The following ZFHX3 variants were observed in gnomAD, a reference collection of about 807,000 sequenced individuals.
ZFHX3 encodes the protein zinc finger homeobox protein 3.
A neutral mutation model predicts 279.1 loss-of-function variants in ZFHX3; 42 were observed. The ratio of observed to expected loss-of-function variants is 0.15; its 90% CI spans 0.12 to 0.19. ZFHX3 has a LOEUF of 0.19. ZFHX3 is among the 10% of genes least tolerant of loss of function. The probability of loss-of-function intolerance (pLI) is 1.00; values close to 1 mark genes in which losing one functional copy is unlikely to be tolerated. For synonymous variants in ZFHX3, 2,293 were observed against 1,957.8 expected (o/e 1.17, Z -4.52); for missense variants, 4,981 against 4,754.0 (o/e 1.05, Z -1.40).
intron 1 of ZFHX3, among the ~76,000 whole-genome samples, chr16:73,028,742 G>C (rs891473055): frequency 1.3e-5 from 2 of 152,200 alleles, no homozygotes; most frequent in East Asian, 3.9e-4. Flanking sequence ...AAAGGGGGCA[G>C]TGGGCCGCCC....
At chr16:73,141,538 C>T (rs894134156) in intron 6 of ZFHX3, among the ~76,000 whole-genome samples, 1 of 151,982 alleles carries the variant, frequency 6.6e-6, no homozygotes, top group African/African-American at 2.4e-5. Context: ...GCAGGGACTA[C>T]AGCTGTGCTC....
At chr16:72,886,286 G>A (rs1293190116) in intron 4 of ZFHX3, among the ~76,000 whole-genome samples, 1 of 151,978 alleles carries the variant, frequency 6.6e-6, no homozygotes, top group South Asian at 2.1e-4. Context: ...GGAGGGAGTA[G>A]GGGAGAGAGC....
chr16:73,817,510 G>A (rs1374827707), intron 1 of ZFHX3, among the ~76,000 whole-genome samples: 2 of 152,108 alleles, frequency 1.3e-5, no homozygotes, highest in African/African-American at 4.8e-5. Context: ...CACCCTAACG[G>A]CGAGTCTTAA....
Position 72,795,633 on chromosome 16 carries a change from A to G in ZFHX3, c.7049T>C (p.Leu2350Pro). 1 of 1,613,844 alleles carries G rather than the reference A, an allele frequency of 6.2e-7. No individual in the cohort carries two copies. The highest frequency in any genetic ancestry group is 8.5e-7 in the Non-Finnish European group (1 of 1,179,914). ...CTCCTCATCCTCATCCTTGTAACAC[A>G]GCTTCTTCTGGTGCTTGATGAGATC... ...IFDLIKHQKK[L>P]CYKDEDEEGQ... Residue 2350 changes from leucine (L) to proline (P), a missense_variant, in exon 9 of 10, where the codon CTG (leucine) becomes CCG (proline). This residue lies in a region of ZFHX3 where 744 missense variants were observed against 701.3 expected (regional missense o/e 1.06). Transcript: ENST00000268489.
chr16:73,780,273 G>C (rs1288190691), intron 1 of ZFHX3, among the ~76,000 whole-genome samples: 1 of 150,012 alleles, frequency 6.7e-6, no homozygotes, highest in Admixed American at 6.7e-5. Flanking sequence ...TCAGCCTCCT[G>C]AGTAGCTGGG....
At chr16:73,774,001 G>A (rs1001270314) in intron 1 of ZFHX3, among the ~76,000 whole-genome samples, 10 of 152,070 alleles carry the variant, frequency 6.6e-5, no homozygotes, top group South Asian at 4.1e-4. Flanking sequence ...AGCCAGGCAC[G>A]GTGACATGTG....
At chr16:73,498,834 T>C (rs1438816535) in intron 2 of ZFHX3, among the ~76,000 whole-genome samples, 1 of 152,156 alleles carries the variant, frequency 6.6e-6, no homozygotes, top group Admixed American at 6.5e-5. Flanking sequence ...GAGGACCTTA[T>C]TGAGAGCAGT....
At chr16:72,835,182 T>C (rs983636379) in intron 4 of ZFHX3, among the ~76,000 whole-genome samples, 1 of 152,204 alleles carries the variant, frequency 6.6e-6, no homozygotes, top group Admixed American at 6.5e-5. Context: ...TGAAATAAAG[T>C]GCGTTTGCCT....
chr16:73,814,991 C>T (rs558205329), intron 1 of ZFHX3, among the ~76,000 whole-genome samples: 3 of 152,242 alleles, frequency 2.0e-5, no homozygotes, highest in African/African-American at 7.2e-5. Context: ...AATCACCATA[C>T]TTAAAAGTAG....
chr16:73,791,796 T>C (rs1959833244), intron 1 of ZFHX3, among the ~76,000 whole-genome samples: 1 of 152,250 alleles, frequency 6.6e-6, no homozygotes, highest in African/African-American at 2.4e-5. Context: ...TGCAAACCAC[T>C]GGTTTAGAAC....
chr16:73,766,993 T>A (rs530901753), intron 1 of ZFHX3, among the ~76,000 whole-genome samples: 3 of 150,244 alleles, frequency 2.0e-5, no homozygotes, highest in Non-Finnish European at 4.4e-5. Flanking sequence ...TGGAGTGCAC[T>A]GGCGCGATCT....
chr16:73,496,928 T>C (rs535463324), intron 2 of ZFHX3, among the ~76,000 whole-genome samples: 83 of 152,318 alleles, frequency 5.4e-4, no homozygotes, highest in African/African-American at 1.8e-3. Context: ...AGCCTTCTTG[T>C]GATTCCACCT....
intron 4 of ZFHX3, among the ~76,000 whole-genome samples, chr16:73,286,146 C>T (rs781681756): frequency 6.6e-6 from 1 of 152,036 alleles, no homozygotes; most frequent in Non-Finnish European, 1.5e-5. Context: ...CATGGTCTCT[C>T]CCTCCCTCTC....
At chr16:73,270,435 A>G (rs1000784456) in intron 4 of ZFHX3, among the ~76,000 whole-genome samples, 9 of 152,186 alleles carry the variant, frequency 5.9e-5, no homozygotes, top group African/African-American at 1.9e-4. Flanking sequence ...CTTTTCTTCC[A>G]TGCTGAGCTC....
At chr16:72,826,472 TTA>T (rs2036931959) in intron 5 of ZFHX3, among the ~76,000 whole-genome samples, 1 of 152,070 alleles carries the variant, frequency 6.6e-6, no homozygotes, top group African/African-American at 2.4e-5. Context: ...ACAGCTCAAT[TTA>T]GGGAGAGAAT....
intron 5 of ZFHX3, chr16:73,232,016 C>T (rs539591676): frequency 5.3e-5 from 8 of 152,188 alleles, no homozygotes; most frequent in Admixed American, 1.3e-4. Flanking sequence ...AGTGCTGGCC[C>T]GCAGCCAAGA....
intron 4 of ZFHX3, among the ~76,000 whole-genome samples, chr16:73,264,110 T>C (rs2013899857): frequency 6.6e-6 from 1 of 152,234 alleles, no homozygotes; most frequent in East Asian, 1.9e-4. Context: ...GGGGCTGCAG[T>C]GAGCTGAGAT....
chr16:72,995,537 C>A (rs188504008), intron 1 of ZFHX3, among the ~76,000 whole-genome samples: 1 of 152,194 alleles, frequency 6.6e-6, no homozygotes. Flanking sequence ...ACAACTACAG[C>A]GGTCATATTG....
At chr16:72,923,476 T>C (rs1057196425) in intron 3 of ZFHX3, among the ~76,000 whole-genome samples, 1 of 149,822 alleles carries the variant, frequency 6.7e-6, no homozygotes, top group Non-Finnish European at 1.5e-5. Context: ...AAAGACGCTA[T>C]GAATATATAT....
Sources: allele counts gnomAD v4.1 joint callset (sites outside exome capture counted in the v4.1 genomes callset), GRCh38; gene constraint gnomAD v4.1.1; regional missense constraint gnomAD v4.1.1; transcripts MANE v1.5; gene names NCBI Gene and HGNC (gene_info 2026-07-23, HGNC 2026-07-21).